The following TENM2 variants were observed in gnomAD, a reference collection of about 807,000 sequenced individuals.
TENM2 encodes teneurin-2.
Under a neutral mutation model 245.2 loss-of-function variants are expected in TENM2, and 52 were observed. The ratio of observed to expected loss-of-function variants is 0.21; its 90% CI spans 0.17 to 0.27. The LOEUF (loss-of-function observed/expected upper bound fraction) is 0.27, where lower values mean the gene tolerates loss of function less well. Among genes scored for constraint, TENM2 ranks in the 10% least tolerant of loss-of-function variants. TENM2 has a pLI of 1.00. For missense variants in TENM2, 3,046 were observed against 3,666.8 expected (o/e 0.83, Z 4.37); for synonymous variants, 1,363 against 1,438.9 (o/e 0.95, Z 1.19).
intron 4 of TENM2, among the ~76,000 whole-genome samples, chr5:167,973,634 G>A (rs1781967783): frequency 6.6e-6 from 1 of 152,182 alleles, no homozygotes; most frequent in Non-Finnish European, 1.5e-5. Context: ...TGGCAGATAC[G>A]GGGTCTGAGT....
intron 2 of TENM2, among the ~76,000 whole-genome samples, chr5:167,725,024 G>A (rs1759895371): frequency 6.6e-6 from 1 of 152,012 alleles, no homozygotes; most frequent in African/African-American, 2.4e-5. Flanking sequence ...ATTAGAAGAA[G>A]GATTATATTT....
chr5:167,652,087 C>A (rs574968941), intron 2 of TENM2, among the ~76,000 whole-genome samples: 1 of 152,088 alleles, frequency 6.6e-6, no homozygotes, highest in South Asian at 2.1e-4. Flanking sequence ...CTTTTCAGTT[C>A]TTAATGGTAG....
At position 167,370,288 on chromosome 5, in the gene TENM2, G is replaced by A. The variant is rs1760329209; in HGVS notation, c.227-4910G>A. On this transcript the variant is annotated intron_variant, in intron 1 of 28. Transcript: ENST00000518659. ...ACCCGGGAGGTGGAGCTTGCAGTGAGCCGAGATAACGCCACTGCACTCCAG... is the reference window on the plus strand; with the variant it reads ...ACCCGGGAGGTGGAGCTTGCAGTGAACCGAGATAACGCCACTGCACTCCAG... Among the ~76,000 whole-genome samples the A allele has an allele frequency of 3.6e-5, 5 of 139,626 alleles. No individual in the cohort carries two copies. The South Asian group carries it at 1.2e-3, about 32-fold the overall frequency. 91.6% of individuals were successfully genotyped at this position (139,626 alleles called of 152,430 possible). A position where few individuals can be genotyped will look rare whatever the true frequency, so the allele number is the denominator to read the frequency against.
intron 7 of TENM2, among the ~76,000 whole-genome samples, chr5:168,082,556 C>T (rs1202910747): frequency 2.0e-5 from 3 of 152,142 alleles, no homozygotes; most frequent in Admixed American, 2.0e-4. Flanking sequence ...TGGTTTCTCC[C>T]CATCTTTGTG....
At chr5:167,903,782 T>C (rs1218115311) in intron 3 of TENM2, among the ~76,000 whole-genome samples, 1 of 152,174 alleles carries the variant, frequency 6.6e-6, no homozygotes, top group Non-Finnish European at 1.5e-5. Context: ...CTTCTGAATT[T>C]TGATTATCAA....
At chr5:167,609,467 T>C (rs1239875138) in intron 2 of TENM2, among the ~76,000 whole-genome samples, 1 of 141,630 alleles carries the variant, frequency 7.1e-6, no homozygotes, top group African/African-American at 2.8e-5. Context: ...GATTTCTGCC[T>C]TTTTTCTTTG....
At chr5:167,172,275 T>G in the TENM2 span, among the ~76,000 whole-genome samples, 1 of 152,208 alleles carries the variant, frequency 6.6e-6, no homozygotes, top group African/African-American at 2.4e-5. Context: ...TCTGAGGACA[T>G]CTGAGAAAAT....
intron 2 of TENM2, among the ~76,000 whole-genome samples, chr5:167,617,233 C>G (rs968677958): frequency 2.6e-5 from 4 of 152,122 alleles, no homozygotes; most frequent in Admixed American, 2.0e-4. Context: ...TAGTGCTACA[C>G]ATCTGAACAC....
At chr5:167,230,618 T>C in the TENM2 span, among the ~76,000 whole-genome samples, 2 of 152,164 alleles carry the variant, frequency 1.3e-5, no homozygotes, top group African/African-American at 4.8e-5. Context: ...ATGCTGAGTG[T>C]TGGATTTTAT....
intron 2 of TENM2, among the ~76,000 whole-genome samples, chr5:167,449,018 TA>T (rs1431783439): frequency 6.6e-6 from 1 of 151,932 alleles, no homozygotes; most frequent in African/African-American, 2.4e-5. Flanking sequence ...ATCTCTGTGA[TA>T]AGGCATTTAT....
At chr5:167,884,646 C>G (rs937583745) in intron 3 of TENM2, among the ~76,000 whole-genome samples, 2 of 152,152 alleles carry the variant, frequency 1.3e-5, no homozygotes, top group Admixed American at 1.3e-4. Flanking sequence ...TTTGTTTATT[C>G]ACTCCTCCCT....
At chr5:167,790,623 C>T (rs1378395054) in intron 2 of TENM2, among the ~76,000 whole-genome samples, 3 of 152,126 alleles carry the variant, frequency 2.0e-5, no homozygotes, top group Non-Finnish European at 4.4e-5. Context: ...CCCCTCAGTC[C>T]CAGAGGTGCC....
At chr5:167,827,045 A>C (rs369371139) in intron 2 of TENM2, among the ~76,000 whole-genome samples, 127 of 152,332 alleles carry the variant, frequency 8.3e-4, no homozygotes, top group African/African-American at 2.8e-3. Context: ...TCCATCCTCC[A>C]TCCTCAAGAC....
At chr5:166,981,155 A>G in the TENM2 span, among the ~76,000 whole-genome samples, 2 of 152,214 alleles carry the variant, frequency 1.3e-5, no homozygotes, top group Admixed American at 6.5e-5. Context: ...TGTGTTGACA[A>G]AAGCCTTTCT....
At chr5:167,092,921 C>T in the TENM2 span, among the ~76,000 whole-genome samples, 2 of 152,134 alleles carry the variant, frequency 1.3e-5, no homozygotes, top group African/African-American at 4.8e-5. Context: ...AATTACTAAA[C>T]CCCTTTTGGT....
intron 2 of TENM2, among the ~76,000 whole-genome samples, chr5:167,812,159 G>A (rs1293892812): frequency 6.6e-6 from 1 of 152,156 alleles, no homozygotes; most frequent in Non-Finnish European, 1.5e-5. Flanking sequence ...CATAAGATGA[G>A]ATCATCCAAT....
chr5:166,991,395 A>T, the TENM2 span, among the ~76,000 whole-genome samples: 3 of 151,774 alleles, frequency 2.0e-5, no homozygotes, highest in Admixed American at 6.6e-5. Context: ...CTAGGGGGAA[A>T]CTTTAATGTT....
intron 2 of TENM2, among the ~76,000 whole-genome samples, chr5:167,478,000 G>C (rs1270297590): frequency 6.6e-6 from 1 of 152,196 alleles, no homozygotes; most frequent in Non-Finnish European, 1.5e-5. Context: ...CAATTTAGTA[G>C]TTACTCATAA....
At chr5:167,970,581 C>T (rs553632156) in intron 4 of TENM2, among the ~76,000 whole-genome samples, 1 of 152,098 alleles carries the variant, frequency 6.6e-6, no homozygotes, top group East Asian at 1.9e-4. Flanking sequence ...GAATGGGAAA[C>T]ATTTAACTCC....
Sources: gnomAD v4.1 joint callset for allele counts (sites outside exome capture counted in the v4.1 genomes callset) on GRCh38, gnomAD v4.1.1 for gene constraint, MANE v1.5 for transcripts, NCBI Gene and HGNC (gene_info 2026-07-23, HGNC 2026-07-21) for gene names.